MPHOSPH6: variants seen among roughly 807,000 people sequenced by gnomAD.
The protein encoded by MPHOSPH6 is M-phase phosphoprotein 6.
In MPHOSPH6, 25 loss-of-function variants were observed where a neutral mutation model predicts 21.8. The observed-to-expected ratio is 1.15, with a 90% CI of 0.83 to 1.60. The LOEUF is 1.60. Among genes scored for constraint, MPHOSPH6 ranks in the 40% most tolerant of loss-of-function variants. MPHOSPH6 has a pLI of 0.00. For missense variants in MPHOSPH6, 269 were observed against 181.8 expected, an observed-to-expected ratio of 1.48 and a Z score of -2.76; for synonymous variants, 84 against 56.5, an observed-to-expected ratio of 1.49 and a Z score of -2.18.
At chr16:82,162,828 G>A (rs1464181364) in intron 2 of MPHOSPH6, among the ~76,000 whole-genome samples, 3 of 152,190 alleles carry the variant, frequency 2.0e-5, no homozygotes, top group Non-Finnish European at 4.4e-5. Context: ...GAAATGTAAA[G>A]GTCATTTTCT....
intron 2 of MPHOSPH6, chr16:82,163,761 C>T (rs1038703600): frequency 1.5e-5 from 3 of 203,162 alleles, no homozygotes; most frequent in Non-Finnish European, 2.9e-5. Context: ...AAGTACACCC[C>T]TAATCTTTAG....
At chr16:82,165,074 T>C (rs940625784) in intron 1 of MPHOSPH6, 3 of 151,100 alleles carry the variant, frequency 2.0e-5, no homozygotes, top group Non-Finnish European at 4.4e-5. Flanking sequence ...CTGGTTTCTA[T>C]GTATCCCCCA....
At chr16:82,161,838 C>T (rs943802149) in intron 2 of MPHOSPH6, among the ~76,000 whole-genome samples, 1 of 152,182 alleles carries the variant, frequency 6.6e-6, no homozygotes, top group African/African-American at 2.4e-5. Context: ...CTAAAAGTGT[C>T]CCCTGTGAGG....
intron 2 of MPHOSPH6, among the ~76,000 whole-genome samples, chr16:82,155,365 ACTGT>A (rs1479479919): frequency 6.6e-6 from 1 of 152,216 alleles, no homozygotes; most frequent in Non-Finnish European, 1.5e-5. Context: ...AAAATGTATA[ACTGT>A]CTTTTTTTGC....
At chr16:82,168,818 C>A (rs898836030) in intron 1 of MPHOSPH6, among the ~76,000 whole-genome samples, 3 of 152,166 alleles carry the variant, frequency 2.0e-5, no homozygotes, top group Admixed American at 1.3e-4. Context: ...TTTGGAAATT[C>A]CACCTCTTTA....
Position 82,170,215 on chromosome 16 carries a change from C to T in MPHOSPH6, c.-40G>A, listed in dbSNP as rs1906933410. 6.4e-7 allele frequency: 1 copy of T among 1,563,774 alleles called. No homozygotes were observed. The highest frequency in any genetic ancestry group is 8.6e-7 in the Non-Finnish European group (1 of 1,156,812). On this transcript the variant is annotated 5_prime_UTR_variant, in exon 1 of 5. Coordinates refer to ENST00000258169, the MANE Select transcript of MPHOSPH6 (RefSeq NM_005792.2). ...AGCGCCGCACTCCGGCCGCGAGCCT[C>T]ACCGCACATGCGCGGAGCCGCGTGC...
intron 3 of MPHOSPH6, among the ~76,000 whole-genome samples, chr16:82,150,282 AC>A (rs1294496095): frequency 6.6e-6 from 1 of 151,444 alleles, no homozygotes; most frequent in African/African-American, 2.4e-5. Flanking sequence ...GCCTATCCAA[AC>A]CCTACTCTTT....
intron 3 of MPHOSPH6, among the ~76,000 whole-genome samples, chr16:82,150,911 T>G (rs1274510774): frequency 6.6e-6 from 1 of 152,192 alleles, no homozygotes; most frequent in Non-Finnish European, 1.5e-5. Context: ...AAGGTCTGCT[T>G]CTCTATCCTG....
intron 4 of MPHOSPH6, 76 bp from the exon 5 acceptor site, chr16:82,148,939 C>A: frequency 1.3e-6 from 2 of 1,504,674 alleles, no homozygotes; most frequent in Non-Finnish European, 9.0e-7. Flanking sequence ...GAATATCAGA[C>A]CAAATATGCA....
rs114528231 is a variant in MPHOSPH6, at chr16:82,165,937, A to T, written c.52-1743T>A. On this transcript the variant is annotated intron_variant, in intron 1 of 4. Coordinates refer to ENST00000258169, the MANE Select transcript of MPHOSPH6 (RefSeq NM_005792.2). The stretch of plus-strand genomic sequence containing the variant: ...TGCTGAAGAGAATGTGAAGAAACTG[A>T]TCACTCAAACATAGCTGGTGGGAAA... 4.2e-3 allele frequency among the ~76,000 whole-genome samples: 640 copies of T among 152,344 alleles called. 5 individuals are homozygous for T. Among genetic ancestry groups the T allele is most frequent in the African/African-American group, 0.015 (620 of 41,564 alleles).
intron 2 of MPHOSPH6, among the ~76,000 whole-genome samples, chr16:82,153,040 C>T (rs1474541712): frequency 3.3e-5 from 5 of 152,060 alleles, no homozygotes; most frequent in African/African-American, 1.2e-4. Context: ...GGCAGGAGAA[C>T]TGCTCGCATC....
chr16:82,165,542 A>G (rs1345136800), intron 1 of MPHOSPH6, among the ~76,000 whole-genome samples: 1 of 152,220 alleles, frequency 6.6e-6, no homozygotes, highest in East Asian at 1.9e-4. Context: ...TCACGAATAA[A>G]ATAGTCATGC....
At chr16:82,165,577 G>A (rs150305713) in intron 1 of MPHOSPH6, among the ~76,000 whole-genome samples, 1 of 152,264 alleles carries the variant, frequency 6.6e-6, no homozygotes, top group East Asian at 1.9e-4. Flanking sequence ...TTTGGTCGAC[G>A]ATGGAACCCA....
At chr16:82,155,576 AG>A (rs1422168674) in intron 2 of MPHOSPH6, among the ~76,000 whole-genome samples, 1 of 152,260 alleles carries the variant, frequency 6.6e-6, no homozygotes, top group East Asian at 1.9e-4. Flanking sequence ...TGACAGACTT[AG>A]AGATAAACAA....
intron 2 of MPHOSPH6, among the ~76,000 whole-genome samples, chr16:82,151,986 C>T (rs146352953): frequency 6.8e-4 from 103 of 152,240 alleles, no homozygotes; most frequent in African/African-American, 2.3e-3. Context: ...TCAGGGATTT[C>T]AAAAATTCCA....
At chr16:82,154,851 G>A (rs1182501944) in intron 2 of MPHOSPH6, among the ~76,000 whole-genome samples, 3 of 151,994 alleles carry the variant, frequency 2.0e-5, no homozygotes, top group African/African-American at 7.2e-5. Context: ...CACAAACCAA[G>A]AACTAAGAAG....
At position 82,148,334 on chromosome 16, in the gene MPHOSPH6, T is replaced by C. The variant is rs1415320227; in HGVS notation, c.*397A>G. On this transcript the variant is annotated 3_prime_UTR_variant, in exon 5 of 5. Transcript: ENST00000258169. ...TATAATAAATTCTTATGACATTTGA[T>C]TCCAAATTGTATGTACGAATTGGCT... The C allele has an allele frequency of 6.4e-6, 1 of 155,166 alleles. No homozygotes were observed. Among genetic ancestry groups the C allele is most frequent in the Non-Finnish European group, 1.4e-5 (1 of 70,230 alleles). 9.6% of individuals were successfully genotyped at this position (155,166 alleles called of 1,614,324 possible).
At chr16:82,155,278 T>C (rs975791814) in intron 2 of MPHOSPH6, among the ~76,000 whole-genome samples, 13 of 152,334 alleles carry the variant, frequency 8.5e-5, no homozygotes, top group African/African-American at 3.1e-4. Context: ...TCAGAAACAA[T>C]TCAAGGACTA....
chr16:82,149,501 A>C, intron 3 of MPHOSPH6, 98 bp from the exon 4 acceptor site: 6 of 1,004,376 alleles, frequency 6.0e-6, no homozygotes, highest in Admixed American at 1.7e-5. Flanking sequence ...AAGTCAAATA[A>C]TCTAGAGAAC....
Sources: allele counts gnomAD v4.1 joint callset (sites outside exome capture counted in the v4.1 genomes callset), GRCh38; gene constraint gnomAD v4.1.1; transcripts MANE v1.5; gene names NCBI Gene and HGNC (gene_info 2026-07-23, HGNC 2026-07-21).